APBA2: variants seen among roughly 807,000 people sequenced by gnomAD.
APBA2 encodes amyloid-beta A4 precursor protein-binding family A member 2.
APBA2 carries 30 observed loss-of-function variants against 75.0 expected under a neutral mutation model. That is an observed-to-expected ratio of 0.40 (90% CI 0.30 to 0.54). The LOEUF (loss-of-function observed/expected upper bound fraction) is 0.54, where lower values mean the gene tolerates loss of function less well. APBA2 is among the 20% of genes least tolerant of loss of function. APBA2 has a pLI of 0.49. For synonymous variants in APBA2, 444 were observed against 409.6 expected (o/e 1.08, Z -1.01); for missense variants, 801 against 1,016.1 (o/e 0.79, Z 2.88).
intron 2 of APBA2, among the ~76,000 whole-genome samples, chr15:28,935,857 T>G (rs2034835650): frequency 6.6e-6 from 1 of 152,242 alleles, no homozygotes; most frequent in South Asian, 2.1e-4. Context: ...TTAGTTCATG[T>G]TCTTTAACAA....
At position 29,017,385 on chromosome 15, in the gene APBA2, TTTTC is replaced by T. The variant is rs1183108264; in HGVS notation, c.-41+21591_-41+21594del. 1.7e-4 allele frequency among the ~76,000 whole-genome samples: 25 copies of T among 146,456 alleles called. 1 individual carries two copies. In the East Asian group the frequency reaches 1.8e-3, roughly 11 times the overall value. On this transcript the variant is annotated intron_variant, in intron 3 of 14. Coordinates refer to ENST00000683413, the MANE Select transcript of APBA2 (RefSeq NM_001353788.2). ...TTTTCTTTCATATTTTTCCATCTTC[TTTTC>T]TTTCTTTCTTTTTTTTTTTTTTTTT... is the stretch of plus-strand genomic sequence containing the variant.
intron 4 of APBA2, among the ~76,000 whole-genome samples, chr15:29,064,276 A>G (rs911002550): frequency 6.6e-6 from 1 of 152,000 alleles, no homozygotes; most frequent in African/African-American, 2.4e-5. Context: ...CCCCGAATTC[A>G]CACTCTTCAA....
intron 3 of APBA2, among the ~76,000 whole-genome samples, chr15:29,033,043 C>G (rs1188822824): frequency 6.6e-6 from 1 of 152,214 alleles, no homozygotes; most frequent in Non-Finnish European, 1.5e-5. Flanking sequence ...CATCCTTATC[C>G]AAGCTGCATC....
chr15:28,943,636 T>C (rs2035362909), intron 2 of APBA2, among the ~76,000 whole-genome samples: 1 of 152,190 alleles, frequency 6.6e-6, no homozygotes, highest in Admixed American at 6.5e-5. Context: ...CGGGAAGCTT[T>C]TCACTCAGCA....
At chr15:29,013,163 A>G (rs1203162971) in intron 3 of APBA2, among the ~76,000 whole-genome samples, 1 of 151,392 alleles carries the variant, frequency 6.6e-6, no homozygotes, top group Non-Finnish European at 1.5e-5. Flanking sequence ...TTCTTCTACT[A>G]TGTCATAGTT....
intron 1 of APBA2, among the ~76,000 whole-genome samples, chr15:28,902,081 G>T (rs144572808): frequency 0.013 from 1,944 of 152,064 alleles, 22 homozygotes; most frequent in Non-Finnish European, 0.017. Context: ...CGAAGGTAAA[G>T]GGGGGTGCAT....
intron 3 of APBA2, among the ~76,000 whole-genome samples, chr15:29,048,934 T>G (rs1300706903): frequency 6.9e-6 from 1 of 145,566 alleles, no homozygotes; most frequent in Non-Finnish European, 1.5e-5. Flanking sequence ...AGAGCAAGAC[T>G]CAGTCTCAAA....
chr15:29,112,290 C>A (rs1432602945), intron 13 of APBA2, among the ~76,000 whole-genome samples: 1 of 152,226 alleles, frequency 6.6e-6, no homozygotes, highest in Non-Finnish European at 1.5e-5. Context: ...CCTGTCCCGA[C>A]CTGCAGCGGT....
intron 6 of APBA2, among the ~76,000 whole-genome samples, chr15:29,089,250 G>A (rs1349889410): frequency 6.6e-6 from 1 of 152,194 alleles, no homozygotes; most frequent in Non-Finnish European, 1.5e-5. Flanking sequence ...GTGAACTTGG[G>A]CAAAGCCACG....
At chr15:29,068,867 A>G (rs1934974628) in intron 4 of APBA2, among the ~76,000 whole-genome samples, 1 of 152,188 alleles carries the variant, frequency 6.6e-6, no homozygotes, top group African/African-American at 2.4e-5. Context: ...AACTGTAGTA[A>G]TACACACGTA....
chr15:29,088,767 G>T (rs2043411907), intron 6 of APBA2, among the ~76,000 whole-genome samples: 1 of 152,142 alleles, frequency 6.6e-6, no homozygotes, highest in South Asian at 2.1e-4. Flanking sequence ...CAGTCCTTAT[G>T]GCCTGTCACC....
chr15:29,107,467 C>T (rs1264511248), intron 12 of APBA2, among the ~76,000 whole-genome samples: 17 of 152,212 alleles, frequency 1.1e-4, no homozygotes. Flanking sequence ...TGGCATGTTC[C>T]TCCCCACCCT....
intron 2 of APBA2, among the ~76,000 whole-genome samples, chr15:28,987,526 C>CA (rs2037985731): frequency 6.6e-6 from 1 of 151,896 alleles, no homozygotes; most frequent in Non-Finnish European, 1.5e-5. Flanking sequence ...CGGATTCCCC[C>CA]AGCCTCAGTG....
intron 3 of APBA2, among the ~76,000 whole-genome samples, chr15:29,045,090 T>TTTCTCTCC (rs2041247835): frequency 6.9e-6 from 1 of 144,410 alleles, no homozygotes; most frequent in African/African-American, 2.7e-5. Flanking sequence ...TCTCTCTCTC[T>TTTCTCTCC]CTCTCTCTCT....
chr15:29,041,586 C>T (rs55927071), intron 3 of APBA2, among the ~76,000 whole-genome samples: 27,056 of 151,548 alleles, frequency 0.18, 2,884 homozygotes, highest in East Asian at 0.45. Flanking sequence ...ATACAAGATC[C>T]GTATGCTGGA....
At chr15:28,887,962 G>A (rs1333028409) in intron 1 of APBA2, among the ~76,000 whole-genome samples, 1 of 152,134 alleles carries the variant, frequency 6.6e-6, no homozygotes, top group Non-Finnish European at 1.5e-5. Flanking sequence ...TGCAGGCTGA[G>A]TCCCACGGGG....
At chr15:29,061,270 G>A (rs1359248287) in intron 4 of APBA2, among the ~76,000 whole-genome samples, 1 of 152,174 alleles carries the variant, frequency 6.6e-6, no homozygotes, top group African/African-American at 2.4e-5. Context: ...CACTGAAAAG[G>A]TCAGCCCTGC....
chr15:28,969,409 A>G (rs1054318770), intron 2 of APBA2, among the ~76,000 whole-genome samples: 2 of 151,894 alleles, frequency 1.3e-5, no homozygotes, highest in Non-Finnish European at 1.5e-5. Flanking sequence ...CGAACTCCTG[A>G]CCTCAGGTAA....
chr15:28,936,131 A>G (rs1250684523), intron 2 of APBA2, among the ~76,000 whole-genome samples: 1 of 152,230 alleles, frequency 6.6e-6, no homozygotes, highest in African/African-American at 2.4e-5. Context: ...TGATTGCGGC[A>G]TTAGAAGCGG....
Sources: allele counts gnomAD v4.1 joint callset (sites outside exome capture counted in the v4.1 genomes callset), GRCh38; gene constraint gnomAD v4.1.1; transcripts MANE v1.5; gene names NCBI Gene and HGNC (gene_info 2026-07-23, HGNC 2026-07-21).